The following TTC7B variants were observed in gnomAD, a reference collection of about 807,000 sequenced individuals.
The protein encoded by TTC7B is tetratricopeptide repeat protein 7B.
A neutral mutation model predicts 106.8 loss-of-function variants in TTC7B; 28 were observed. The ratio of observed to expected loss-of-function variants is 0.26; its 90% CI spans 0.19 to 0.36. The LOEUF (loss-of-function observed/expected upper bound fraction) is 0.36. Ranked by LOEUF, TTC7B falls within the 10% of genes least tolerant of loss-of-function variation. The pLI, the probability that TTC7B is intolerant of heterozygous loss-of-function variation, is 1.00. For synonymous variants in TTC7B, 405 were observed against 430.6 expected, an observed-to-expected ratio of 0.94 and a Z score of 0.74; for missense variants, 862 against 1,076.4, an observed-to-expected ratio of 0.80 and a Z score of 2.79.
At chr14:90,673,813 C>T (rs926036696) in intron 9 of TTC7B, among the ~76,000 whole-genome samples, 3 of 151,890 alleles carry the variant, frequency 2.0e-5, no homozygotes, top group Non-Finnish European at 4.4e-5. Context: ...AAACATTATG[C>T]TATGTGAAAG....
At chr14:90,733,386 C>T (rs1198707404) in intron 4 of TTC7B, among the ~76,000 whole-genome samples, 1 of 152,182 alleles carries the variant, frequency 6.6e-6, no homozygotes, top group Non-Finnish European at 1.5e-5. Context: ...TCTGTGTCTG[C>T]TTGCAGAGCA....
At chr14:90,675,559 T>C (rs1051146917) in intron 9 of TTC7B, among the ~76,000 whole-genome samples, 2 of 152,154 alleles carry the variant, frequency 1.3e-5, no homozygotes, top group African/African-American at 4.8e-5. Context: ...ACCACTGCCC[T>C]GTAGAGTCAC....
intron 15 of TTC7B, among the ~76,000 whole-genome samples, chr14:90,640,430 A>G (rs1488161208): frequency 6.6e-6 from 1 of 152,230 alleles, no homozygotes; most frequent in Non-Finnish European, 1.5e-5. Context: ...TATTACACGA[A>G]AAATCCATAT....
At chr14:90,722,060 G>A (rs1888916923) in intron 5 of TTC7B, among the ~76,000 whole-genome samples, 1 of 152,204 alleles carries the variant, frequency 6.6e-6, no homozygotes, top group South Asian at 2.1e-4. Flanking sequence ...CTCATATGAA[G>A]AGCGTGGAAC....
At chr14:90,560,673 A>G (rs961173621) in intron 19 of TTC7B, among the ~76,000 whole-genome samples, 2 of 152,142 alleles carry the variant, frequency 1.3e-5, no homozygotes, top group Non-Finnish European at 2.9e-5. Context: ...CAGGCTCCAA[A>G]CGGTGGCTCA....
rs2030358027 is a variant in TTC7B, at chr14:90,802,829, GCA to G, written c.121+13344_121+13345del. On this transcript the variant is annotated intron_variant, in intron 1 of 19. Coordinates refer to ENST00000328459, the MANE Select transcript of TTC7B (RefSeq NM_001010854.2). This position sits in a 1 kb window ranked among gnomAD's most constrained non-coding sequence, Gnocchi z 4.7. ...CAAGCAGCGGGGTTAGAAGAGAAGG[GCA>G]CACACCTCTCCTAGAAAACATGGAT... Among the ~76,000 whole-genome samples the G allele has an allele frequency of 6.6e-6, 1 of 152,022 alleles. No individual in the cohort carries two copies. Among genetic ancestry groups the G allele is most frequent in the Non-Finnish European group, 1.5e-5 (1 of 67,998 alleles).
chr14:90,560,946 G>A (rs1595159569), intron 19 of TTC7B, among the ~76,000 whole-genome samples: 1 of 152,246 alleles, frequency 6.6e-6, no homozygotes, highest in East Asian at 1.9e-4. Context: ...TAATTAGAGA[G>A]CCAATTATAA....
intron 5 of TTC7B, among the ~76,000 whole-genome samples, chr14:90,719,130 G>T (rs548151777): frequency 6.6e-6 from 1 of 152,018 alleles, no homozygotes; most frequent in Non-Finnish European, 1.5e-5. Context: ...ACAAAAATTA[G>T]CTGGGCCTGG....
In TTC7B at chr14:90,742,231, G is replaced by A. The variant is rs936896252; in HGVS notation, c.576+2561C>T. 6.6e-6 allele frequency among the ~76,000 whole-genome samples: 1 copy of A among 151,690 alleles called. No individual in the cohort carries two copies. Among genetic ancestry groups the A allele is most frequent in the South Asian group, 2.1e-4 (1 of 4,780 alleles). On this transcript the variant is annotated intron_variant, in intron 4 of 19. Coordinates refer to ENST00000328459, the MANE Select transcript of TTC7B (RefSeq NM_001010854.2). This position sits in a 1 kb window ranked among gnomAD's most constrained non-coding sequence, Gnocchi z 4.1. ...AGTTTCGTTTCATTTCGTTTCGTTC[G>A]CTTCTTTCTTTCTTCCTTTCTTTCT...
At chr14:90,638,415 T>C (rs1183675799) in intron 15 of TTC7B, among the ~76,000 whole-genome samples, 1 of 152,210 alleles carries the variant, frequency 6.6e-6, no homozygotes, top group Non-Finnish European at 1.5e-5. Flanking sequence ...AAAAACCAGT[T>C]ACCTTTCTAT....
chr14:90,554,449 C>T (rs1164305598), intron 19 of TTC7B, among the ~76,000 whole-genome samples: 1 of 152,240 alleles, frequency 6.6e-6, no homozygotes, highest in African/African-American at 2.4e-5. Context: ...GCTTTGTTCA[C>T]TCTGCTCCAA....
At chr14:90,790,384 T>A (rs1182365354) in intron 1 of TTC7B, among the ~76,000 whole-genome samples, 3 of 152,110 alleles carry the variant, frequency 2.0e-5, no homozygotes, top group Middle Eastern at 3.2e-3. Context: ...AGACTATCCA[T>A]CTATGTAGAA....
intron 14 of TTC7B, among the ~76,000 whole-genome samples, 171 bp from the exon 15 acceptor site, chr14:90,644,379 G>T (rs995961812): frequency 6.6e-6 from 1 of 152,028 alleles, no homozygotes; most frequent in Non-Finnish European, 1.5e-5. Flanking sequence ...CTTTATGGCA[G>T]CCCCAGGATA....
chr14:90,804,002 C>G (rs1016318375), intron 1 of TTC7B, among the ~76,000 whole-genome samples: 5 of 151,928 alleles, frequency 3.3e-5, no homozygotes, highest in African/African-American at 1.2e-4. Context: ...AGGAAGCCAG[C>G]TCCACACAGG....
At chr14:90,549,525 C>A (rs534226252) in intron 19 of TTC7B, among the ~76,000 whole-genome samples, 3 of 152,306 alleles carry the variant, frequency 2.0e-5, no homozygotes, top group African/African-American at 7.2e-5. Context: ...AGATGGCACA[C>A]TGGGGGCTCA....
chr14:90,613,001 C>A (rs552523250), intron 16 of TTC7B, among the ~76,000 whole-genome samples: 4 of 152,334 alleles, frequency 2.6e-5, no homozygotes, highest in African/African-American at 9.6e-5. Context: ...CAGTTACATC[C>A]TTAGTGTGTC....
chr14:90,649,803 C>T (rs1346814793), intron 13 of TTC7B, among the ~76,000 whole-genome samples: 4 of 152,136 alleles, frequency 2.6e-5, no homozygotes, highest in Non-Finnish European at 1.5e-5. Context: ...ATCCACCATC[C>T]ACCCATCCAC....
intron 15 of TTC7B, among the ~76,000 whole-genome samples, chr14:90,639,084 A>G (rs1171159840): frequency 6.6e-6 from 1 of 152,228 alleles, no homozygotes; most frequent in Non-Finnish European, 1.5e-5. Context: ...AGTGTGAAAG[A>G]TAGCACAAGA....
chr14:90,693,914 T>C (rs763893480), intron 6 of TTC7B, among the ~76,000 whole-genome samples: 23 of 152,222 alleles, frequency 1.5e-4, no homozygotes, highest in Non-Finnish European at 2.9e-4. Context: ...TGAATGTTCG[T>C]AGCAGCATTA....
Sources: gnomAD v4.1 joint callset for allele counts (sites outside exome capture counted in the v4.1 genomes callset) on GRCh38, gnomAD v4.1.1 for gene constraint, Gnocchi (gnomAD v3.1) non-coding constraint, MANE v1.5 for transcripts, NCBI Gene and HGNC (gene_info 2026-07-23, HGNC 2026-07-21) for gene names.